PAQR5: variants seen among roughly 807,000 people sequenced by gnomAD.
PAQR5 encodes membrane progestin receptor gamma.
PAQR5 carries 20 observed loss-of-function variants against 34.5 expected under a neutral mutation model. The observed-to-expected ratio is 0.58, with a 90% CI of 0.41 to 0.84. The LOEUF is 0.84. PAQR5 is among the 40% of genes least tolerant of loss of function. PAQR5 has a pLI of 0.00. For missense variants in PAQR5, 378 were observed against 412.7 expected (o/e 0.92, Z 0.73); for synonymous variants, 131 against 155.6 (o/e 0.84, Z 1.18).
intron 5 of PAQR5, among the ~76,000 whole-genome samples, chr15:69,389,249 G>T (rs2056191521): frequency 6.6e-6 from 1 of 152,222 alleles, no homozygotes; most frequent in African/African-American, 2.4e-5. Context: ...TGTGGCTAAA[G>T]CAGGGACTGT....
At chr15:69,393,211 C>T (rs1430718809) in intron 6 of PAQR5, among the ~76,000 whole-genome samples, 1 of 152,046 alleles carries the variant, frequency 6.6e-6, no homozygotes, top group Non-Finnish European at 1.5e-5. Flanking sequence ...TGTACCTCGT[C>T]CTCGCTCCAC....
At position 69,405,202 on chromosome 15, in the gene PAQR5, T is replaced by A. The variant is rs1406269224; in HGVS notation, c.*1380T>A. On this transcript the variant is annotated 3_prime_UTR_variant, in exon 9 of 9. Coordinates refer to ENST00000395407, the MANE Select transcript of PAQR5 (RefSeq NM_017705.4). ...CAAAACAACTTTTGACAGAGGCCCA[T>A]CAAACCCAGATCTGCACTTGGTAAT... is the stretch of plus-strand genomic sequence containing the variant. The A allele has an allele frequency of 1.8e-5, 7 of 384,092 alleles. No individual in the cohort carries two copies. The highest frequency in any genetic ancestry group is 3.2e-5 in the Non-Finnish European group (7 of 217,492). The allele number at this position is 384,092 out of a possible 1,614,324, so 23.8% of individuals were successfully genotyped here.
intron 3 of PAQR5, among the ~76,000 whole-genome samples, chr15:69,376,070 T>G (rs553047400): frequency 8.5e-5 from 13 of 152,366 alleles, no homozygotes; most frequent in Admixed American, 7.8e-4. Flanking sequence ...CTTGCTGATG[T>G]GCCCTTCTGC....
intron 2 of PAQR5, among the ~76,000 whole-genome samples, chr15:69,352,795 G>A (rs1360115899): frequency 6.6e-6 from 1 of 152,194 alleles, no homozygotes; most frequent in Non-Finnish European, 1.5e-5. Context: ...TGTAGCCAAT[G>A]GTTTGGCTGG....
rs542373751 is a variant in PAQR5, at chr15:69,397,547, C to T, written c.592C>T (p.Leu198Phe). 9.9e-6 allele frequency: 16 copies of T among 1,608,302 alleles called. No individual in the cohort carries two copies. In the East Asian group the frequency reaches 1.8e-4, roughly 18 times the overall value. The change falls in exon 7 of 9, where the codon CTC becomes TTC. Residue 198 changes from leucine to phenylalanine, a missense_variant. Coordinates refer to ENST00000395407, the MANE Select transcript of PAQR5 (RefSeq NM_017705.4). ...AFAYPYTWDSLPIFYRLFLFP... is the reference protein window; with the variant it reads ...AFAYPYTWDSFPIFYRLFLFP... ...TGCTTATCCGTACACCTGGGACTCC[C>T]TCCCCATCTTCTACAGGGTAAGGAC... is the stretch of plus-strand genomic sequence containing the variant.
chr15:69,362,990 C>T (rs1452977459), intron 3 of PAQR5, among the ~76,000 whole-genome samples: 1 of 152,208 alleles, frequency 6.6e-6, no homozygotes, highest in Non-Finnish European at 1.5e-5. Context: ...AACCTTTGCT[C>T]CCCCTTTGTG....
intron 3 of PAQR5, among the ~76,000 whole-genome samples, chr15:69,365,043 A>C (rs2055359912): frequency 7.8e-6 from 1 of 127,502 alleles, no homozygotes; most frequent in Non-Finnish European, 1.7e-5. Context: ...GCCTTCCCTT[A>C]TGAATTTTAT....
intron 6 of PAQR5, among the ~76,000 whole-genome samples, chr15:69,394,838 G>T (rs891750940): frequency 1.3e-5 from 2 of 152,232 alleles, no homozygotes; most frequent in African/African-American, 4.8e-5. Context: ...CCCCTCTCCC[G>T]AGCTACTGGC....
chr15:69,300,973 T>TTCTTTCTTTCTTTCTTTCTC (rs2053587805), intron 1 of PAQR5, among the ~76,000 whole-genome samples: 3 of 82,668 alleles, frequency 3.6e-5, no homozygotes, highest in African/African-American at 1.5e-4. Flanking sequence ...CTTTCTTTCT[T>TTCTTTCTTTCTTTCTTTCTC]TCTTTCTTTC....
At position 69,385,869 on chromosome 15, in the gene PAQR5, C is replaced by T. The variant is rs2056092438; in HGVS notation, c.385+987C>T. 6.6e-6 allele frequency among the ~76,000 whole-genome samples: 1 copy of T among 151,168 alleles called. No homozygotes were observed. Among genetic ancestry groups the T allele is most frequent in the Non-Finnish European group, 1.5e-5 (1 of 67,756 alleles). On this transcript the variant is annotated intron_variant, in intron 5 of 8. Transcript: ENST00000395407. This position sits in a 1 kb window ranked among gnomAD's most constrained non-coding sequence, Gnocchi z 4.7. ...TACACTTACATGCACACACACACACCACATGCCACATGTACTCACACATTG... is the reference window on the plus strand; with the variant it reads ...TACACTTACATGCACACACACACACTACATGCCACATGTACTCACACATTG...
intron 3 of PAQR5, among the ~76,000 whole-genome samples, chr15:69,369,244 G>C (rs1215402198): frequency 2.6e-5 from 4 of 152,112 alleles, no homozygotes; most frequent in African/African-American, 9.7e-5. Flanking sequence ...CTGTGTTAAA[G>C]TAGAAATCCG....
Position 69,326,042 on chromosome 15 carries a change from A to AT in PAQR5, c.-276-11290dup, listed in dbSNP as rs371222670. 7.7e-4 allele frequency among the ~76,000 whole-genome samples: 116 copies of AT among 151,032 alleles called. No individual in the cohort carries two copies. In the Middle Eastern group the frequency reaches 0.024, roughly 31 times the overall value. On this transcript the variant is annotated intron_variant, in intron 1 of 8. Coordinates refer to ENST00000395407, the MANE Select transcript of PAQR5 (RefSeq NM_017705.4). ...AACTTCTCCTCCAAGATGCAGTCAC[A>AT]TTTTTTTTTAACTGCAAATACATGC...
At chr15:69,304,708 G>A (rs1335916621) in intron 1 of PAQR5, among the ~76,000 whole-genome samples, 4 of 152,100 alleles carry the variant, frequency 2.6e-5, no homozygotes, top group South Asian at 2.1e-4. Context: ...CCTCAGACAG[G>A]GTCATTCTGC....
chr15:69,322,040 C>T (rs1481564947), intron 1 of PAQR5, among the ~76,000 whole-genome samples: 1 of 151,332 alleles, frequency 6.6e-6, no homozygotes, highest in Admixed American at 6.6e-5. Flanking sequence ...TTAGCCATAA[C>T]AAAAGGAAGA....
At chr15:69,391,655 C>G (rs1325234462) in intron 6 of PAQR5, 4 of 455,902 alleles carry the variant, frequency 8.8e-6, no homozygotes, top group Non-Finnish European at 1.3e-5. Flanking sequence ...GGTTCGCTCT[C>G]CTAGGGCTGT....
intron 1 of PAQR5, among the ~76,000 whole-genome samples, chr15:69,302,704 G>A (rs993695174): frequency 9.9e-5 from 15 of 152,108 alleles, no homozygotes; most frequent in South Asian, 2.1e-4. Flanking sequence ...CAGCACACCT[G>A]GGGTTAGTCA....
chr15:69,348,658 C>A (rs946785085), intron 2 of PAQR5, among the ~76,000 whole-genome samples: 4 of 152,112 alleles, frequency 2.6e-5, no homozygotes, highest in Admixed American at 1.3e-4. Context: ...GCCTGAACTG[C>A]ATATAGTACT....
At chr15:69,345,673 A>G (rs991378892) in intron 2 of PAQR5, among the ~76,000 whole-genome samples, 18 of 151,732 alleles carry the variant, frequency 1.2e-4, no homozygotes, top group African/African-American at 4.4e-4. Flanking sequence ...TTAAACACAC[A>G]CTCTCTTTTT....
chr15:69,341,353 C>CTTTTTTTT (rs370642387), intron 2 of PAQR5, among the ~76,000 whole-genome samples: 2 of 117,716 alleles, frequency 1.7e-5, no homozygotes, highest in Non-Finnish European at 3.3e-5. Flanking sequence ...AATTCTATTC[C>CTTTTTTTT]TTTTTTTTTT....
Sources: gnomAD v4.1 joint callset for allele counts (sites outside exome capture counted in the v4.1 genomes callset) on GRCh38, gnomAD v4.1.1 for gene constraint, Gnocchi (gnomAD v3.1) non-coding constraint, MANE v1.5 for transcripts, NCBI Gene and HGNC (gene_info 2026-07-23, HGNC 2026-07-21) for gene names.